Variants in KCND3 observed in about 807,000 individuals in gnomAD.
KCND3 encodes the protein potassium voltage-gated channel subfamily D member 3.
In KCND3, 9 loss-of-function variants were observed where a neutral mutation model predicts 51.1. The observed-to-expected ratio is 0.18, with a 90% CI of 0.11 to 0.31. The LOEUF is 0.31. KCND3 is among the 10% of genes least tolerant of loss of function. KCND3 has a pLI of 1.00. For synonymous variants in KCND3, 349 were observed against 368.0 expected (o/e 0.95, Z 0.59); for missense variants, 526 against 903.8 (o/e 0.58, Z 5.36).
chr1:111,781,553 G>A (rs755056045), intron 3 of KCND3, among the ~76,000 whole-genome samples: 9 of 152,052 alleles, frequency 5.9e-5, no homozygotes, highest in African/African-American at 1.4e-4. Flanking sequence ...ACGGAGTCTC[G>A]CTGTCACCCA....
intron 1 of KCND3, among the ~76,000 whole-genome samples, chr1:111,983,045 C>T (rs1303178386): frequency 2.0e-5 from 3 of 152,170 alleles, no homozygotes; most frequent in Non-Finnish European, 2.9e-5. Flanking sequence ...GACAAATCGT[C>T]AAGCTCCAAG....
chr1:111,945,133 C>T (rs1292171701), intron 2 of KCND3, among the ~76,000 whole-genome samples: 2 of 152,188 alleles, frequency 1.3e-5, no homozygotes, highest in Admixed American at 1.3e-4. Flanking sequence ...CTGTGGAGAG[C>T]AGAAGTCAGC....
chr1:111,907,957 C>T (rs1670724905), intron 2 of KCND3, among the ~76,000 whole-genome samples: 1 of 152,190 alleles, frequency 6.6e-6, no homozygotes, highest in South Asian at 2.1e-4. Context: ...TGTCTTTCTA[C>T]TTGAAATTCA....
chr1:111,771,035 C>T lies in KCND3; in HGVS notation c.*5042G>A, dbSNP rs1663893287. The T allele has an allele frequency of 6.6e-6, 1 of 152,078 alleles. No homozygotes were observed. Among genetic ancestry groups the T allele is most frequent in the Non-Finnish European group, 1.5e-5 (1 of 68,014 alleles). The allele number at this position is 152,078 out of a possible 1,614,324, so 9.4% of individuals were successfully genotyped here. A position where few individuals can be genotyped will look rare whatever the true frequency, so the allele number is the denominator to read the frequency against. On this transcript the variant is annotated 3_prime_UTR_variant, in exon 8 of 8. Transcript: ENST00000302127. ...GATTATCAAAAATATACCATCCCTC[C>T]CACCTCCCAGGTTTGTAAAATAGTC...
At chr1:111,824,987 C>G (rs1000955439) in intron 2 of KCND3, among the ~76,000 whole-genome samples, 3 of 152,192 alleles carry the variant, frequency 2.0e-5, no homozygotes, top group Non-Finnish European at 2.9e-5. Flanking sequence ...GTGTGGCAAG[C>G]AGCAGGACCC....
At chr1:111,833,738 G>A (rs10857909) in intron 2 of KCND3, among the ~76,000 whole-genome samples, 76,364 of 152,060 alleles carry the variant, frequency 0.5, 20,423 homozygotes, top group Non-Finnish European at 0.6. Flanking sequence ...CTTAATCTCC[G>A]GGGGTATCTC....
At chr1:111,923,295 C>T (rs928613576) in intron 2 of KCND3, among the ~76,000 whole-genome samples, 9 of 152,168 alleles carry the variant, frequency 5.9e-5, no homozygotes, top group Non-Finnish European at 1.0e-4. Flanking sequence ...GCATCAGACA[C>T]GACCAGAGGT....
At chr1:111,972,297 C>G (rs929371398) in intron 2 of KCND3, among the ~76,000 whole-genome samples, 5 of 149,568 alleles carry the variant, frequency 3.3e-5, no homozygotes, top group Non-Finnish European at 7.4e-5. Flanking sequence ...CTCAGCCTCC[C>G]AAGTAGCTGG....
chr1:111,904,252 A>G (rs1255996507), intron 2 of KCND3, among the ~76,000 whole-genome samples: 2 of 152,016 alleles, frequency 1.3e-5, no homozygotes, highest in Non-Finnish European at 2.9e-5. Flanking sequence ...TAAGGGACTA[A>G]GCTGACTGCT....
In KCND3 at chr1:111,964,987, ATGT is replaced by A. The variant is rs1290953691; in HGVS notation, c.1106+16631_1106+16633del. ...TGAACACATGGTCAGCAGGCCAGGAATGTTTGTTGAGCGGATAAAGGAAATGGG... is the reference window on the plus strand; with the variant it reads ...TGAACACATGGTCAGCAGGCCAGGAATTGTTGAGCGGATAAAGGAAATGGG... On this transcript the variant is annotated intron_variant, in intron 2 of 7. Coordinates refer to ENST00000302127, the MANE Select transcript of KCND3 (RefSeq NM_001378969.1). 2.0e-5 allele frequency among the ~76,000 whole-genome samples: 3 copies of A among 152,204 alleles called. No individual in the cohort carries two copies. In the East Asian group the frequency reaches 5.8e-4, roughly 29 times the overall value.
At chr1:111,826,743 G>A (rs1666593706) in intron 2 of KCND3, among the ~76,000 whole-genome samples, 1 of 152,154 alleles carries the variant, frequency 6.6e-6, no homozygotes, top group Admixed American at 6.5e-5. Flanking sequence ...TGGGAGATGT[G>A]AAGTTTCTAT....
intron 2 of KCND3, among the ~76,000 whole-genome samples, chr1:111,866,681 T>C (rs1440265687): frequency 6.6e-5 from 10 of 151,664 alleles, no homozygotes; most frequent in African/African-American, 2.2e-4. Context: ...CCTGTAGTCC[T>C]GGTTACTCAG....
At chr1:111,882,741 G>A (rs1669390728) in intron 2 of KCND3, among the ~76,000 whole-genome samples, 1 of 152,204 alleles carries the variant, frequency 6.6e-6, no homozygotes, top group Non-Finnish European at 1.5e-5. Flanking sequence ...GCTCCAAACA[G>A]GGACTGGGGG....
At chr1:111,917,906 G>A (rs1671298115) in intron 2 of KCND3, among the ~76,000 whole-genome samples, 1 of 152,204 alleles carries the variant, frequency 6.6e-6, no homozygotes, top group Non-Finnish European at 1.5e-5. Context: ...TTATGAGAAG[G>A]ATGGTCCAGA....
chr1:111,946,768 G>C (rs931268020), intron 2 of KCND3, among the ~76,000 whole-genome samples: 3 of 152,204 alleles, frequency 2.0e-5, no homozygotes, highest in African/African-American at 7.2e-5. Flanking sequence ...GCTGGTCTTA[G>C]TTCCCACACC....
At chr1:111,968,233 C>T (rs1027168917) in intron 2 of KCND3, among the ~76,000 whole-genome samples, 1 of 152,010 alleles carries the variant, frequency 6.6e-6, no homozygotes, top group Non-Finnish European at 1.5e-5. Flanking sequence ...GCTTCTGCTG[C>T]AGTGAGGAAA....
At chr1:111,911,547 C>G (rs992036553) in intron 2 of KCND3, among the ~76,000 whole-genome samples, 3 of 152,196 alleles carry the variant, frequency 2.0e-5, no homozygotes, top group African/African-American at 7.2e-5. Context: ...GTACCAGCTG[C>G]TGTATATAGT....
intron 2 of KCND3, among the ~76,000 whole-genome samples, chr1:111,863,378 T>C (rs1668418809): frequency 6.6e-6 from 1 of 151,768 alleles, no homozygotes; most frequent in African/African-American, 2.4e-5. Context: ...AGATGAAAAT[T>C]TAAATCAATC....
At chr1:111,914,749 C>G (rs996236915) in intron 2 of KCND3, among the ~76,000 whole-genome samples, 1 of 151,840 alleles carries the variant, frequency 6.6e-6, no homozygotes, top group Admixed American at 6.6e-5. Flanking sequence ...GCAGATTTGC[C>G]TGTAAGAAAT....
Sources: allele counts gnomAD v4.1 joint callset (sites outside exome capture counted in the v4.1 genomes callset), GRCh38; gene constraint gnomAD v4.1.1; transcripts MANE v1.5; gene names NCBI Gene and HGNC (gene_info 2026-07-23, HGNC 2026-07-21).